USP10: variants seen among roughly 807,000 people sequenced by gnomAD.
USP10 encodes the protein ubiquitin specific peptidase 10, also known as ubiquitin carboxyl-terminal hydrolase 10.
USP10 carries 22 observed loss-of-function variants against 84.5 expected under a neutral mutation model. The observed-to-expected ratio is 0.26, with a 90% CI of 0.19 to 0.37. The LOEUF (loss-of-function observed/expected upper bound fraction) is 0.37. Among genes scored for constraint, USP10 ranks in the 10% least tolerant of loss-of-function variants. The probability of loss-of-function intolerance (pLI) is 1.00; values close to 1 mark genes in which losing one functional copy is unlikely to be tolerated. For synonymous variants in USP10, 454 were observed against 387.6 expected (o/e 1.17, Z -2.01); for missense variants, 1,019 against 998.9 (o/e 1.02, Z -0.27).
intron 4 of USP10, among the ~76,000 whole-genome samples, chr16:84,750,933 A>C (rs1264984721): frequency 6.6e-6 from 1 of 152,230 alleles, no homozygotes. Context: ...TTTATACCTA[A>C]AAGGCATTGG....
At chr16:84,777,928 G>T (rs1206745019) in intron 13 of USP10, among the ~76,000 whole-genome samples, 1 of 152,238 alleles carries the variant, frequency 6.6e-6, no homozygotes, top group Non-Finnish European at 1.5e-5. Flanking sequence ...CCCGAGGCTG[G>T]TGTCTGCTGC....
At chr16:84,730,028 T>G (rs1056145974) in intron 1 of USP10, among the ~76,000 whole-genome samples, 5 of 152,212 alleles carry the variant, frequency 3.3e-5, no homozygotes, top group Non-Finnish European at 7.3e-5. Flanking sequence ...TCTGTTGTGT[T>G]TACTTTTTAT....
chr16:84,710,471 A>G (rs547167292), intron 1 of USP10, among the ~76,000 whole-genome samples: 2 of 152,226 alleles, frequency 1.3e-5, no homozygotes, highest in East Asian at 3.9e-4. Context: ...TTTGAGACAG[A>G]TTAATGTGAG....
chr16:84,705,970 C>CCTTG (rs1905448806), intron 1 of USP10, among the ~76,000 whole-genome samples: 1 of 152,066 alleles, frequency 6.6e-6, no homozygotes, highest in African/African-American at 2.4e-5. Context: ...GATCCACCTA[C>CCTTG]CTTGGCCTCC....
intron 3 of USP10, among the ~76,000 whole-genome samples, chr16:84,743,604 T>A (rs1910876308): frequency 6.6e-6 from 1 of 152,194 alleles, no homozygotes; most frequent in African/African-American, 2.4e-5. Flanking sequence ...CTTCATGCAT[T>A]AAAGATGAAA....
At chr16:84,769,467 G>T (rs990194230) in intron 11 of USP10, among the ~76,000 whole-genome samples, 1 of 152,190 alleles carries the variant, frequency 6.6e-6, no homozygotes, top group Non-Finnish European at 1.5e-5. Flanking sequence ...GCAGAAACTT[G>T]GTAGTTGACT....
rs1914052139 is a variant in USP10, at chr16:84,768,064, T to A, written c.1833-129T>A. 3 of 1,143,550 alleles carry A rather than the reference T, an allele frequency of 2.6e-6. No individual in the cohort carries two copies. The East Asian group carries it at 7.8e-5, about 30-fold the overall frequency. The allele number at this position is 1,143,550 out of a possible 1,614,324, so 70.8% of individuals were successfully genotyped here. On this transcript the variant is annotated intron_variant, in intron 10 of 13. Coordinates refer to ENST00000219473, the MANE Select transcript of USP10 (RefSeq NM_005153.3). ...TTTTTAAATTCAGTATATTTTTGGC[T>A]TTTCTCTGTGGTCTTTTGAAAGTGA...
intron 2 of USP10, among the ~76,000 whole-genome samples, chr16:84,735,606 G>T (rs1245152048): frequency 2.6e-5 from 4 of 152,238 alleles, no homozygotes; most frequent in Non-Finnish European, 5.9e-5. Context: ...TGTATGGTCC[G>T]ATAACTAGTG....
intron 2 of USP10, among the ~76,000 whole-genome samples, chr16:84,736,331 A>T (rs992927590): frequency 6.6e-6 from 1 of 152,226 alleles, no homozygotes; most frequent in African/African-American, 2.4e-5. Context: ...TGTTAAGATG[A>T]AAGAGCATTC....
chr16:84,746,094 G>GT lies in USP10; in HGVS notation c.1192+433dup, dbSNP rs1402400925. Among the ~76,000 whole-genome samples, 860 of 142,512 alleles carry GT rather than the reference G, an allele frequency of 6.0e-3. 4 individuals carry two copies. Among genetic ancestry groups the GT allele is most frequent in the African/African-American group, 0.017 (662 of 39,188 alleles). The allele number at this position is 142,512 out of a possible 152,430, so 93.5% of individuals were successfully genotyped here. A position where few individuals can be genotyped will look rare whatever the true frequency, so the allele number is the denominator to read the frequency against. On this transcript the variant is annotated intron_variant, in intron 4 of 13. Transcript: ENST00000219473. ...AGAAATCATTTTGTGAAATAACATG[G>GT]TTTTTTTTTTTTGGATTGAGTAAAT...
intron 4 of USP10, among the ~76,000 whole-genome samples, chr16:84,746,263 A>C (rs1322114237): frequency 6.6e-6 from 1 of 152,274 alleles, no homozygotes; most frequent in Non-Finnish European, 1.5e-5. Context: ...AGAAAGCTGC[A>C]TAATTCACAG....
rs1433880130 is a variant in USP10, at chr16:84,758,727, A to G, written c.1204A>G (p.Asn402Asp). The G allele has an allele frequency of 6.2e-7, 1 of 1,612,400 alleles. No homozygotes were observed. The highest frequency in any genetic ancestry group is 8.5e-7 in the Non-Finnish European group (1 of 1,178,570). The stretch of plus-strand genomic sequence containing the variant: ...CTTCACTCTTTCAGAGTTGCTGGAG[A>G]ATGTAACCCTAATCCATAAACCAGT... ...VAIKIAELLE[N>D]VTLIHKPVSL... Residue 402 changes from asparagine (N) to aspartate (D), a missense_variant, in exon 5 of 14, where the codon AAT (asparagine) becomes GAT (aspartate). Asn to Asp is a conservative substitution (Grantham distance 23). This residue lies in a region of USP10 where 787 missense variants were observed against 708.8 expected (regional missense o/e 1.11). Coordinates refer to ENST00000219473, the MANE Select transcript of USP10 (RefSeq NM_005153.3).
chr16:84,733,094 G>A (rs1204876295), intron 1 of USP10: 1 of 465,410 alleles, frequency 2.1e-6, no homozygotes. Flanking sequence ...AGTGGCATGA[G>A]TCAGCAGAAA....
intron 2 of USP10, among the ~76,000 whole-genome samples, chr16:84,739,876 C>T (rs1037497950): frequency 2.6e-4 from 40 of 152,196 alleles, no homozygotes; most frequent in African/African-American, 8.9e-4. Context: ...CCAGCCTCTA[C>T]TGGCTGTGTT....
intron 1 of USP10, among the ~76,000 whole-genome samples, chr16:84,712,163 TG>T (rs1294921086): frequency 6.6e-6 from 1 of 152,220 alleles, no homozygotes; most frequent in African/African-American, 2.4e-5. Context: ...CGCAGTATTT[TG>T]TGTGTATGGC....
At chr16:84,746,270 A>G (rs1395662051) in intron 4 of USP10, among the ~76,000 whole-genome samples, 1 of 152,270 alleles carries the variant, frequency 6.6e-6, no homozygotes, top group Middle Eastern at 3.2e-3. Context: ...TGCATAATTC[A>G]CAGATTGTTT....
At chr16:84,778,477 T>C (rs180849309) in intron 13 of USP10, among the ~76,000 whole-genome samples, 1 of 152,368 alleles carries the variant, frequency 6.6e-6, no homozygotes, top group East Asian at 1.9e-4. Flanking sequence ...TTCACTGTTA[T>C]AAATGACATC....
rs977836718 is a variant in USP10, at chr16:84,700,154, CCGGGCGGGCGGACGCCGCGG to C, written c.21+54_21+73del. Reference sequence around the variant, plus strand: ...CCTTCGGCCGGAAGGGGCCCGAGCCCCGGGCGGGCGGACGCCGCGGCGGGCGGGCGTCCGCGCCCTGCCCG... The same window carrying C: ...CCTTCGGCCGGAAGGGGCCCGAGCCCCGGGCGGGCGTCCGCGCCCTGCCCG... On this transcript the variant is annotated intron_variant, in intron 1 of 13. Coordinates refer to ENST00000219473, the MANE Select transcript of USP10 (RefSeq NM_005153.3). 14 of 1,238,142 alleles carry C rather than the reference CCGGGCGGGCGGACGCCGCGG, an allele frequency of 1.1e-5. 1 individual carries two copies. The highest frequency in any genetic ancestry group is 6.5e-5 in the South Asian group (3 of 45,840). The allele number at this position is 1,238,142 out of a possible 1,614,324, so 76.7% of individuals were successfully genotyped here. A position where few individuals can be genotyped will look rare whatever the true frequency, so the allele number is the denominator to read the frequency against.
chr16:84,729,688 G>A (rs2150793130), intron 1 of USP10, among the ~76,000 whole-genome samples: 1 of 152,324 alleles, frequency 6.6e-6, no homozygotes, highest in Middle Eastern at 3.4e-3. Context: ...AAATATTGCT[G>A]AAGTGTAACT....
Sources: allele counts gnomAD v4.1 joint callset (sites outside exome capture counted in the v4.1 genomes callset), GRCh38; gene constraint gnomAD v4.1.1; regional missense constraint gnomAD v4.1.1; transcripts MANE v1.5; gene names NCBI Gene and HGNC (gene_info 2026-07-23, HGNC 2026-07-21).